Variants in PDE8B observed in about 807,000 individuals in gnomAD.
The protein encoded by PDE8B is high affinity cAMP-specific and IBMX-insensitive 3',5'-cyclic phosphodiesterase 8B.
PDE8B carries 26 observed loss-of-function variants against 101.3 expected under a neutral mutation model. The observed-to-expected ratio is 0.26, with a 90% confidence interval of 0.19 to 0.36. The LOEUF (loss-of-function observed/expected upper bound fraction) is 0.36. Among genes scored for constraint, PDE8B ranks in the 10% least tolerant of loss-of-function variants. The pLI, the probability that PDE8B is intolerant of heterozygous loss-of-function variation, is 1.00. For synonymous variants in PDE8B, 424 were observed against 429.3 expected (o/e 0.99, Z 0.15); for missense variants, 810 against 1,163.1 (o/e 0.70, Z 4.42).
chr5:77,162,233 T>G, the PDE8B span, among the ~76,000 whole-genome samples: 1 of 152,078 alleles, frequency 6.6e-6, no homozygotes, highest in Admixed American at 6.6e-5. Context: ...TATCTAAGGC[T>G]TATACACTGA....
intron 5 of PDE8B, among the ~76,000 whole-genome samples, chr5:77,335,771 T>C (rs1388138267): frequency 3.3e-5 from 5 of 152,190 alleles, no homozygotes; most frequent in Non-Finnish European, 1.5e-5. Flanking sequence ...TTGCCAGCCA[T>C]ATGCTTAGAA....
chr5:77,406,290 A>G (rs1793426017), intron 12 of PDE8B, among the ~76,000 whole-genome samples: 1 of 152,194 alleles, frequency 6.6e-6, no homozygotes, highest in Non-Finnish European at 1.5e-5. Flanking sequence ...AATAAAAATA[A>G]AAATAAAAAA....
chr5:77,249,552 AT>A (rs1359564329), intron 1 of PDE8B, among the ~76,000 whole-genome samples: 1 of 152,236 alleles, frequency 6.6e-6, no homozygotes, highest in Non-Finnish European at 1.5e-5. Context: ...CCAAGGAGAA[AT>A]CAGGAAAATT....
intron 1 of PDE8B, among the ~76,000 whole-genome samples, chr5:77,232,591 G>A (rs553985267): frequency 6.6e-6 from 1 of 152,334 alleles, no homozygotes; most frequent in East Asian, 1.9e-4. Context: ...TTATTTTGCT[G>A]CACACATTAG....
intron 21 of PDE8B, 98 bp downstream of exon 21, chr5:77,425,994 A>G (rs1336601627): frequency 2.0e-5 from 25 of 1,264,978 alleles, no homozygotes; most frequent in Non-Finnish European, 2.7e-5. Flanking sequence ...AACAAAATAT[A>G]TTTTTAAAAA....
the PDE8B span, among the ~76,000 whole-genome samples, chr5:77,127,561 C>T: frequency 1.3e-5 from 2 of 152,126 alleles, no homozygotes; most frequent in Non-Finnish European, 2.9e-5. Context: ...CCTTCAGTTT[C>T]TTTAGTAAAC....
intron 1 of PDE8B, among the ~76,000 whole-genome samples, chr5:77,271,997 C>G (rs1334499881): frequency 6.6e-6 from 1 of 152,324 alleles, no homozygotes; most frequent in East Asian, 1.9e-4. Context: ...AATGTCAACT[C>G]TCAGCCACAT....
chr5:77,363,968 T>G (rs1783633126), intron 10 of PDE8B, among the ~76,000 whole-genome samples: 1 of 152,140 alleles, frequency 6.6e-6, no homozygotes, highest in Non-Finnish European at 1.5e-5. Context: ...GTGTTTGGGC[T>G]GAAGTAGATC....
chr5:77,182,148 G>C, the PDE8B span, among the ~76,000 whole-genome samples: 2 of 152,010 alleles, frequency 1.3e-5, no homozygotes, highest in Non-Finnish European at 2.9e-5. Flanking sequence ...TGCCAGGAAG[G>C]CTCAGAGCCT....
chr5:77,125,636 T>G, the PDE8B span, among the ~76,000 whole-genome samples: 1 of 152,128 alleles, frequency 6.6e-6, no homozygotes, highest in African/African-American at 2.4e-5. Flanking sequence ...GACAAGAAAT[T>G]TGGGTATCTC....
At position 77,351,091 on chromosome 5, in the gene PDE8B, A is replaced by T. The variant is rs760300105; in HGVS notation, c.1044A>T (p.Arg348Ser). The change falls in exon 9 of 22, where the codon AGA (arginine) becomes AGT (serine). Residue 348 changes from arginine (R) to serine (S), a missense_variant. Arg to Ser is a moderately radical substitution (Grantham distance 110, BLOSUM62 -1). Around this residue, in one of 4 missense-constraint regions of PDE8B, gnomAD observed 251 missense variants for 378.8 expected, o/e 0.66. Transcript: ENST00000264917. Reference protein sequence around the residue: ...GKEWQGVYYARRKSGDSIQQH... With the variant: ...GKEWQGVYYASRKSGDSIQQH... ...AGTGGCAGGGGGTTTACTATGCCAGACGGAAATCCGGGGACAGCATCCAAC... is the reference window on the plus strand; with the variant it reads ...AGTGGCAGGGGGTTTACTATGCCAGTCGGAAATCCGGGGACAGCATCCAAC... The T allele has an allele frequency of 6.2e-7, 1 of 1,614,094 alleles. No individual in the cohort carries two copies. Among genetic ancestry groups the T allele is most frequent in the South Asian group, 1.1e-5 (1 of 91,070 alleles).
chr5:77,424,155 T>C (rs2151220379), intron 20 of PDE8B, among the ~76,000 whole-genome samples: 1 of 152,296 alleles, frequency 6.6e-6, no homozygotes, highest in African/African-American at 2.4e-5. Context: ...TAAGGCTGCT[T>C]GATCGACTGA....
At chr5:77,280,758 G>T (rs1458447384) in intron 1 of PDE8B, among the ~76,000 whole-genome samples, 1 of 152,174 alleles carries the variant, frequency 6.6e-6, no homozygotes, top group Non-Finnish European at 1.5e-5. Flanking sequence ...TTAGCTGGGT[G>T]TGGTGGCACA....
chr5:77,274,351 C>T (rs1479319372), intron 1 of PDE8B, among the ~76,000 whole-genome samples: 1 of 152,198 alleles, frequency 6.6e-6, no homozygotes, highest in African/African-American at 2.4e-5. Flanking sequence ...GGAAATCCAA[C>T]ACAGATCTAT....
chr5:77,378,807 G>A (rs1786875177), intron 10 of PDE8B, among the ~76,000 whole-genome samples: 1 of 152,208 alleles, frequency 6.6e-6, no homozygotes, highest in Non-Finnish European at 1.5e-5. Context: ...CAACTCTGGG[G>A]ATGGGGCCTA....
intron 9 of PDE8B, among the ~76,000 whole-genome samples, 164 bp from the exon 10 acceptor site, chr5:77,353,182 G>T (rs1451225459): frequency 6.6e-6 from 1 of 152,186 alleles, no homozygotes; most frequent in Non-Finnish European, 1.5e-5. Flanking sequence ...TGTGGGCTCT[G>T]TGTGAAAACT....
At chr5:77,397,798 C>A (rs746226731) in intron 10 of PDE8B, among the ~76,000 whole-genome samples, 66 of 152,168 alleles carry the variant, frequency 4.3e-4, no homozygotes, top group Non-Finnish European at 7.1e-4. Context: ...TAACCACTTG[C>A]TTTAACAACT....
At chr5:77,425,666 G>A (rs1797919620) in intron 20 of PDE8B, 101 bp from the exon 21 acceptor site, 4 of 1,217,780 alleles carry the variant, frequency 3.3e-6, no homozygotes, top group African/African-American at 3.0e-5. Flanking sequence ...TGAGAAAACT[G>A]GATAATGACC....
chr5:77,222,375 G>A (rs1429039401), intron 1 of PDE8B, among the ~76,000 whole-genome samples: 1 of 152,162 alleles, frequency 6.6e-6, no homozygotes, highest in Non-Finnish European at 1.5e-5. Context: ...TGTAAACCCA[G>A]CACTTTGGGA....
Sources: allele counts gnomAD v4.1 joint callset (sites outside exome capture counted in the v4.1 genomes callset), GRCh38; gene constraint gnomAD v4.1.1; regional missense constraint gnomAD v4.1.1; transcripts MANE v1.5; gene names NCBI Gene and HGNC (gene_info 2026-07-23, HGNC 2026-07-21).